The following ZNF420 variants were observed in gnomAD, a reference collection of about 807,000 sequenced individuals.
The protein encoded by ZNF420 is zinc finger protein 420.
In ZNF420, 31 loss-of-function variants were observed where a neutral mutation model predicts 44.7. That is an observed-to-expected ratio of 0.69 (90% confidence interval 0.52 to 0.94). The LOEUF (loss-of-function observed/expected upper bound fraction) is 0.94. ZNF420 is among the 40% of genes least tolerant of loss of function. The pLI, the probability that ZNF420 is intolerant of heterozygous loss-of-function variation, is 0.00. For synonymous variants in ZNF420, 245 were observed against 267.4 expected, an observed-to-expected ratio of 0.92 and a Z score of 0.82; for missense variants, 681 against 827.9, an observed-to-expected ratio of 0.82 and a Z score of 2.18.
intron 1 of ZNF420, among the ~76,000 whole-genome samples, chr19:37,019,688 A>C (rs1230795225): frequency 6.6e-6 from 1 of 151,906 alleles, no homozygotes. Flanking sequence ...AATCACTTGA[A>C]CCCAGAAGGC....
At chr19:37,009,280 T>C (rs1599588199) in intron 1 of ZNF420, among the ~76,000 whole-genome samples, 1 of 151,962 alleles carries the variant, frequency 6.6e-6, no homozygotes, top group South Asian at 2.1e-4. Context: ...GGGATGGAGG[T>C]GGAGTGATCT....
chr19:37,067,693 A>G (rs928296097), intron 1 of ZNF420, among the ~76,000 whole-genome samples: 1 of 152,216 alleles, frequency 6.6e-6, no homozygotes, highest in African/African-American at 2.4e-5. Context: ...CTCACTGAAG[A>G]AAACTGTGAT....
intron 1 of ZNF420, among the ~76,000 whole-genome samples, chr19:37,072,054 T>C (rs976820047): frequency 2.0e-5 from 3 of 152,126 alleles, no homozygotes; most frequent in Non-Finnish European, 4.4e-5. Flanking sequence ...TCGAATAACA[T>C]TGTAAAATAT....
intron 3 of ZNF420, among the ~76,000 whole-genome samples, chr19:37,089,958 A>G (rs1969038931): frequency 6.6e-6 from 1 of 152,190 alleles, no homozygotes; most frequent in African/African-American, 2.4e-5. Flanking sequence ...ACTCTGATCT[A>G]ATGGTGAATC....
chr19:37,087,568 C>T (rs1968889070), intron 2 of ZNF420, among the ~76,000 whole-genome samples: 1 of 152,108 alleles, frequency 6.6e-6, no homozygotes, highest in Non-Finnish European at 1.5e-5. Flanking sequence ...CAGTTATTCT[C>T]CCTAGAGGGT....
intron 1 of ZNF420, among the ~76,000 whole-genome samples, chr19:37,061,220 C>G (rs1014520714): frequency 6.6e-6 from 1 of 152,220 alleles, no homozygotes; most frequent in Non-Finnish European, 1.5e-5. Context: ...ACTGGCTCTA[C>G]TTTGGATTTG....
intron 1 of ZNF420, among the ~76,000 whole-genome samples, chr19:37,044,116 C>G (rs1193299642): frequency 6.6e-6 from 1 of 152,210 alleles, no homozygotes; most frequent in Non-Finnish European, 1.5e-5. Context: ...AAAATAAGGT[C>G]TTCATGCAGT....
chr19:37,103,413 ATTCTC>A (rs1418257131), intron 4 of ZNF420, among the ~76,000 whole-genome samples: 1 of 152,000 alleles, frequency 6.6e-6, no homozygotes. Flanking sequence ...TTTATATTCT[ATTCTC>A]TACTATGACG....
chr19:37,123,059 G>C (rs956490627), intron 4 of ZNF420, among the ~76,000 whole-genome samples: 3 of 152,124 alleles, frequency 2.0e-5, no homozygotes, highest in Non-Finnish European at 2.9e-5. Flanking sequence ...AACCTGCATA[G>C]TCTTCCTTGT....
intron 4 of ZNF420, among the ~76,000 whole-genome samples, chr19:37,093,577 A>G (rs1371656311): frequency 6.6e-6 from 1 of 152,116 alleles, no homozygotes; most frequent in Non-Finnish European, 1.5e-5. Context: ...ATCCACCCCC[A>G]TGATCCAAAC....
chr19:37,024,585 G>GATT (rs1349943448), intron 1 of ZNF420, among the ~76,000 whole-genome samples: 3 of 151,996 alleles, frequency 2.0e-5, no homozygotes, highest in Non-Finnish European at 2.9e-5. Flanking sequence ...GAGTAGCTGG[G>GATT]ATTAAAGGTG....
rs1278279417 is a variant in ZNF420, at chr19:37,009,534, C to G, written c.-125+1452C>G. ...GGGGGACGCCAGTGCCACGTTTGGT[C>G]ACATTGGCTCCACCTCGGACTCACC... On this transcript the variant is annotated intron_variant, in intron 1 of 4. Transcript: ENST00000587029. 3.9e-5 allele frequency among the ~76,000 whole-genome samples: 6 copies of G among 152,200 alleles called. No individual in the cohort carries two copies. The East Asian group carries it at 9.6e-4, about 24-fold the overall frequency.
chr19:37,009,346 C>T (rs887637532), intron 1 of ZNF420, among the ~76,000 whole-genome samples: 3 of 152,166 alleles, frequency 2.0e-5, no homozygotes, highest in Middle Eastern at 3.2e-3. Flanking sequence ...CTTGGACTTA[C>T]GCACAGGGCC....
chr19:37,072,298 G>A (rs1461283895), intron 1 of ZNF420, among the ~76,000 whole-genome samples: 1 of 152,182 alleles, frequency 6.6e-6, no homozygotes, highest in Non-Finnish European at 1.5e-5. Context: ...ATGGTTGTCA[G>A]GGAAGCAAGG....
At chr19:37,055,049 G>A (rs749842447) in intron 1 of ZNF420, among the ~76,000 whole-genome samples, 4 of 152,148 alleles carry the variant, frequency 2.6e-5, no homozygotes, top group African/African-American at 4.8e-5. Flanking sequence ...AAATAAGTGG[G>A]ACTAATATCT....
rs138753951 is a variant in ZNF420 at position 37,128,569 on chromosome 19, T to C, written c.1578T>C (p.Thr526=). The C allele has an allele frequency of 5.5e-5, 88 of 1,613,782 alleles. 1 individual carries two copies. Among genetic ancestry groups the C allele is most frequent in the Non-Finnish European group, 6.8e-5 (80 of 1,179,950 alleles). Residue 526 remains threonine (T), a synonymous_variant, in exon 5 of 5, where the codon ACT becomes ACC. Coordinates refer to ENST00000337995, the MANE Select transcript of ZNF420 (RefSeq NM_144689.5). Reference sequence around the variant, plus strand: ...TTTCCCAACATCAAAGACTTCACACTGGTGAGAAACCCTATGTGTGTAATG... The same window carrying C: ...TTTCCCAACATCAAAGACTTCACACCGGTGAGAAACCCTATGTGTGTAATG... ...SHLSQHQRLH[T]GEKPYVCNEC... is the part of the protein sequence containing the mutation.
At chr19:37,115,277 A>G (rs943473101) in intron 4 of ZNF420, 2 of 154,006 alleles carry the variant, frequency 1.3e-5, no homozygotes, top group African/African-American at 2.4e-5. Context: ...AAAGAGACAC[A>G]GAAACAAAGT....
intron 4 of ZNF420, chr19:37,096,261 G>A (rs1379612104): frequency 6.6e-6 from 1 of 151,362 alleles, no homozygotes; most frequent in Non-Finnish European, 1.5e-5. Context: ...CCTTTCTCAT[G>A]GTTTTTATCT....
intron 4 of ZNF420, among the ~76,000 whole-genome samples, chr19:37,111,047 T>G (rs931603789): frequency 6.6e-6 from 1 of 152,234 alleles, no homozygotes; most frequent in Admixed American, 6.5e-5. Flanking sequence ...TTCGTAATCT[T>G]GCCTGACCAA....
Sources: gnomAD v4.1 joint callset for allele counts (sites outside exome capture counted in the v4.1 genomes callset) on GRCh38, gnomAD v4.1.1 for gene constraint, MANE v1.5 for transcripts, NCBI Gene and HGNC (gene_info 2026-07-23, HGNC 2026-07-21) for gene names.